The following GRM8 variants were observed in gnomAD, a reference collection of about 807,000 sequenced individuals.
GRM8 encodes the protein metabotropic glutamate receptor 8.
GRM8 carries 47 observed loss-of-function variants against 87.2 expected under a neutral mutation model. The ratio of observed to expected loss-of-function variants is 0.54; its 90% CI spans 0.43 to 0.69. The LOEUF (loss-of-function observed/expected upper bound fraction) is 0.69. Ranked by LOEUF, GRM8 falls within the 30% of genes least tolerant of loss-of-function variation. GRM8 has a pLI of 0.00. For missense variants in GRM8, 1,019 were observed against 1,139.2 expected, an observed-to-expected ratio of 0.89 and a Z score of 1.52; for synonymous variants, 396 against 404.5, an observed-to-expected ratio of 0.98 and a Z score of 0.25.
intron 7 of GRM8, among the ~76,000 whole-genome samples, chr7:126,704,630 C>G (rs1273854776): frequency 6.6e-6 from 1 of 152,058 alleles, no homozygotes; most frequent in Non-Finnish European, 1.5e-5. Context: ...AGAGAATGCG[C>G]CCCTGAGGAT....
intron 8 of GRM8, among the ~76,000 whole-genome samples, chr7:126,536,489 C>A (rs1029654627): frequency 1.3e-5 from 2 of 152,146 alleles, no homozygotes; most frequent in East Asian, 3.9e-4. Context: ...ACTATTAGAT[C>A]TATCCTGTCA....
chr7:127,158,671 A>G (rs185039357), intron 2 of GRM8, among the ~76,000 whole-genome samples: 8 of 152,280 alleles, frequency 5.3e-5, no homozygotes, highest in African/African-American at 1.9e-4. Context: ...AATCTTATCC[A>G]TGACAGTGGA....
chr7:126,608,609 G>T (rs1798596962), intron 8 of GRM8, among the ~76,000 whole-genome samples: 1 of 152,128 alleles, frequency 6.6e-6, no homozygotes, highest in Non-Finnish European at 1.5e-5. Context: ...TCTAAAGGCT[G>T]TTAAGTAATC....
rs1796176227 is a variant in GRM8 at position 126,586,773 on chromosome 7, A to T, written c.1494+22589T>A. ...ACCATTCAGGACATAGGCATGGGCA[A>T]GGACTTCATGTCTAAAACACCAAAA... is the stretch of plus-strand genomic sequence containing the variant. On this transcript the variant is annotated intron_variant, in intron 8 of 10. Coordinates refer to ENST00000339582, the MANE Select transcript of GRM8 (RefSeq NM_000845.3). Among the ~76,000 whole-genome samples the T allele has an allele frequency of 2.0e-5, 3 of 152,214 alleles. No individual in the cohort carries two copies. The South Asian group carries it at 6.2e-4, about 32-fold the overall frequency.
At chr7:126,968,762 G>C (rs768303681) in intron 3 of GRM8, among the ~76,000 whole-genome samples, 2 of 152,096 alleles carry the variant, frequency 1.3e-5, no homozygotes, top group Non-Finnish European at 2.9e-5. Context: ...ATACTAATTT[G>C]CATTGGTCTT....
intron 3 of GRM8, among the ~76,000 whole-genome samples, chr7:127,001,978 T>C (rs1432836349): frequency 6.6e-6 from 1 of 151,694 alleles, no homozygotes; most frequent in African/African-American, 2.4e-5. Flanking sequence ...AACTCTAAAA[T>C]AAGCAAAACT....
At chr7:127,172,550 C>CA (rs921768417) in intron 2 of GRM8, among the ~76,000 whole-genome samples, 7 of 151,032 alleles carry the variant, frequency 4.6e-5, no homozygotes, top group East Asian at 1.9e-4. Flanking sequence ...ACTAAAAATA[C>CA]AAAAAAAATT....
intron 7 of GRM8, among the ~76,000 whole-genome samples, chr7:126,733,764 G>A (rs1366265872): frequency 6.6e-6 from 1 of 151,838 alleles, no homozygotes; most frequent in African/African-American, 2.4e-5. Context: ...ATCATTTTTA[G>A]GATGGTCAAC....
chr7:127,111,823 T>C (rs182597421), intron 2 of GRM8, among the ~76,000 whole-genome samples: 3 of 152,188 alleles, frequency 2.0e-5, no homozygotes, highest in East Asian at 3.9e-4. Context: ...GGTCAGGAGT[T>C]CGAGACCAGC....
At chr7:126,702,515 G>C (rs927315433) in intron 7 of GRM8, among the ~76,000 whole-genome samples, 1 of 152,192 alleles carries the variant, frequency 6.6e-6, no homozygotes, top group Non-Finnish European at 1.5e-5. Flanking sequence ...CAGAGAAGGT[G>C]TCTACTTCAC....
chr7:126,909,329 T>C (rs1297619709), intron 3 of GRM8, among the ~76,000 whole-genome samples: 2 of 152,262 alleles, frequency 1.3e-5, no homozygotes, highest in Non-Finnish European at 2.9e-5. Flanking sequence ...ACGTTTTCCA[T>C]ACAATACTCC....
At chr7:127,047,025 T>C (rs530979882) in intron 3 of GRM8, among the ~76,000 whole-genome samples, 31 of 152,358 alleles carry the variant, frequency 2.0e-4, no homozygotes, top group Middle Eastern at 6.8e-3. Flanking sequence ...TTTGATTTTC[T>C]CTAATTTAAT....
rs553912419 is a variant in GRM8, at chr7:127,189,900, G to A, written c.510+52795C>T. Among the ~76,000 whole-genome samples, 34 of 152,286 alleles carry A rather than the reference G, an allele frequency of 2.2e-4. 1 individual carries two copies. The highest frequency in any genetic ancestry group is 4.8e-4 in the African/African-American group (20 of 41,566). On this transcript the variant is annotated intron_variant, in intron 2 of 10. Transcript: ENST00000339582. ...TATTTTGACCTCTGATGGTAGAGCC[G>A]CAAAACTAATGTATCAGATATCTAC...
intron 3 of GRM8, among the ~76,000 whole-genome samples, chr7:126,985,749 C>T (rs7798048): frequency 2.6e-5 from 4 of 152,076 alleles, no homozygotes; most frequent in African/African-American, 9.7e-5. Context: ...CTTCTGATGA[C>T]AACCCATTTA....
At chr7:126,582,079 G>A (rs925465036) in intron 8 of GRM8, among the ~76,000 whole-genome samples, 1 of 152,182 alleles carries the variant, frequency 6.6e-6, no homozygotes, top group African/African-American at 2.4e-5. Flanking sequence ...AATATTTAGT[G>A]AGGAAGGTAT....
At chr7:126,521,979 A>G (rs551964988) in intron 9 of GRM8, among the ~76,000 whole-genome samples, 2 of 152,140 alleles carry the variant, frequency 1.3e-5, no homozygotes, top group Non-Finnish European at 2.9e-5. Flanking sequence ...TTTTTACCCA[A>G]TTTTCACTAT....
chr7:126,708,057 T>C (rs1810723853), intron 7 of GRM8, among the ~76,000 whole-genome samples: 1 of 151,984 alleles, frequency 6.6e-6, no homozygotes, highest in Non-Finnish European at 1.5e-5. Flanking sequence ...AAGAATCCAA[T>C]TAAAAAATGG....
At chr7:127,224,087 A>T (rs1398318200) in intron 2 of GRM8, among the ~76,000 whole-genome samples, 1 of 152,164 alleles carries the variant, frequency 6.6e-6, no homozygotes, top group African/African-American at 2.4e-5. Context: ...TACAAAAAAA[A>T]GATGTTAAAG....
At chr7:126,495,619 G>C (rs896276167) in intron 9 of GRM8, among the ~76,000 whole-genome samples, 1 of 151,936 alleles carries the variant, frequency 6.6e-6, no homozygotes, top group Non-Finnish European at 1.5e-5. Context: ...TGAGTAACAA[G>C]TTTTAAATTA....
Sources: gnomAD v4.1 joint callset for allele counts (sites outside exome capture counted in the v4.1 genomes callset) on GRCh38, gnomAD v4.1.1 for gene constraint, MANE v1.5 for transcripts, NCBI Gene and HGNC (gene_info 2026-07-23, HGNC 2026-07-21) for gene names.